The following ZCCHC10 variants were observed in gnomAD, a reference collection of about 807,000 sequenced individuals.
The protein encoded by ZCCHC10 is zinc finger CCHC domain-containing protein 10.
A neutral mutation model predicts 19.5 loss-of-function variants in ZCCHC10; 16 were observed. The ratio of observed to expected loss-of-function variants is 0.82; its 90% CI spans 0.56 to 1.25. The LOEUF is 1.25. Among genes scored for constraint, ZCCHC10 ranks in the 50% most tolerant of loss-of-function variants. The pLI, the probability that ZCCHC10 is intolerant of heterozygous loss-of-function variation, is 0.00. For missense variants in ZCCHC10, 197 were observed against 201.0 expected (o/e 0.98, Z 0.12); for synonymous variants, 67 against 72.5 (o/e 0.92, Z 0.38).
chr5:133,006,338 T>C (rs1331901517), intron 3 of ZCCHC10, among the ~76,000 whole-genome samples: 1 of 152,188 alleles, frequency 6.6e-6, no homozygotes, highest in African/African-American at 2.4e-5. Context: ...TGGATAGCTT[T>C]CCATGTCAGC....
intron 2 of ZCCHC10, among the ~76,000 whole-genome samples, chr5:133,012,471 GA>G (rs11415290): frequency 1.5e-4 from 20 of 129,538 alleles, no homozygotes; most frequent in South Asian, 4.9e-4. Context: ...CCATCTCAAA[GA>G]AAAAAAAAAA....
At chr5:133,020,863 A>G (rs1188435988) in intron 2 of ZCCHC10, among the ~76,000 whole-genome samples, 7 of 146,974 alleles carry the variant, frequency 4.8e-5, no homozygotes, top group Non-Finnish European at 7.5e-5. Flanking sequence ...TGGGACTACA[A>G]GCGCCCGCCA....
intron 2 of ZCCHC10, among the ~76,000 whole-genome samples, chr5:133,007,709 G>A (rs1255732996): frequency 6.6e-6 from 1 of 152,072 alleles, no homozygotes; most frequent in Non-Finnish European, 1.5e-5. Flanking sequence ...CTTTTTTGTT[G>A]TGTAAATTGC....
At chr5:133,008,786 C>T (rs1348860506) in intron 2 of ZCCHC10, among the ~76,000 whole-genome samples, 1 of 151,850 alleles carries the variant, frequency 6.6e-6, no homozygotes, top group Non-Finnish European at 1.5e-5. Context: ...CCAAGGGAGG[C>T]AGATAACTTG....
intron 1 of ZCCHC10, among the ~76,000 whole-genome samples, chr5:133,025,897 T>C (rs1383297648): frequency 1.3e-5 from 2 of 152,212 alleles, no homozygotes. Context: ...ATGTAAGCTC[T>C]CTGAAAGCAA....
At chr5:133,017,988 A>G (rs1035219273) in intron 2 of ZCCHC10, among the ~76,000 whole-genome samples, 4 of 152,204 alleles carry the variant, frequency 2.6e-5, no homozygotes, top group South Asian at 2.1e-4. Flanking sequence ...TACTAAAAAT[A>G]CAAAAAATTA....
intron 3 of ZCCHC10, 59 bp from the exon 4 acceptor site, chr5:133,000,232 A>G: frequency 6.3e-7 from 1 of 1,589,518 alleles, no homozygotes; most frequent in Non-Finnish European, 8.6e-7. Context: ...CACAGCTCAG[A>G]CAAGCCCTTC....
At chr5:133,024,898 G>A (rs1248703400) in intron 1 of ZCCHC10, among the ~76,000 whole-genome samples, 2 of 151,034 alleles carry the variant, frequency 1.3e-5, no homozygotes, top group Non-Finnish European at 1.5e-5. Flanking sequence ...GTGAGACTCC[G>A]TCTAAAAAAA....
chr5:132,998,371 TAAA>T lies in ZCCHC10; in HGVS notation c.*209_*211del. 2 of 475,246 alleles carry T rather than the reference TAAA, an allele frequency of 4.2e-6. No individual in the cohort carries two copies. The highest frequency in any genetic ancestry group is 7.5e-6 in the Non-Finnish European group (2 of 267,254). 29.4% of individuals were successfully genotyped at this position (475,246 alleles called of 1,614,324 possible). A position where few individuals can be genotyped will look rare whatever the true frequency, so the allele number is the denominator to read the frequency against. On this transcript the variant is annotated 3_prime_UTR_variant, in exon 5 of 5. Transcript: ENST00000509437. The stretch of plus-strand genomic sequence containing the variant: ...AAGTTCTAGAGATATATTTTAAAGA[TAAA>T]AAAAACAAGATTCACCCTTCAAATA...
chr5:133,026,123 G>C (rs1764687819), intron 1 of ZCCHC10, among the ~76,000 whole-genome samples: 1 of 152,212 alleles, frequency 6.6e-6, no homozygotes, highest in Non-Finnish European at 1.5e-5. Context: ...ATAGGAAACT[G>C]AAGGTTTACG....
At chr5:133,004,079 T>C (rs1306486106) in intron 3 of ZCCHC10, among the ~76,000 whole-genome samples, 1 of 152,198 alleles carries the variant, frequency 6.6e-6, no homozygotes, top group African/African-American at 2.4e-5. Flanking sequence ...TTCTTCATGG[T>C]AGAATGTGAC....
intron 3 of ZCCHC10, among the ~76,000 whole-genome samples, chr5:133,003,638 G>A (rs1304285291): frequency 1.3e-5 from 2 of 152,104 alleles, no homozygotes; most frequent in Non-Finnish European, 2.9e-5. Context: ...TTACAGGCAT[G>A]AGCCACAGCA....
intron 2 of ZCCHC10, among the ~76,000 whole-genome samples, chr5:133,019,771 A>G (rs1403270200): frequency 6.6e-6 from 1 of 151,952 alleles, no homozygotes; most frequent in African/African-American, 2.4e-5. Context: ...CCTGGCCAAC[A>G]TGGTAAAACC....
chr5:133,001,430 C>T (rs910569789), intron 3 of ZCCHC10, among the ~76,000 whole-genome samples: 26 of 151,884 alleles, frequency 1.7e-4, no homozygotes, highest in African/African-American at 6.3e-4. Context: ...AAGAAAAAAA[C>T]AATTAATTCT....
At chr5:133,003,797 G>T (rs1436027360) in intron 3 of ZCCHC10, among the ~76,000 whole-genome samples, 1 of 152,144 alleles carries the variant, frequency 6.6e-6, no homozygotes, top group Non-Finnish European at 1.5e-5. Flanking sequence ...TGCAACTTCT[G>T]CCTCCTGGGT....
chr5:133,023,559 G>C (rs1764471339), intron 1 of ZCCHC10, among the ~76,000 whole-genome samples: 1 of 150,224 alleles, frequency 6.7e-6, no homozygotes, highest in Non-Finnish European at 1.5e-5. Context: ...CAGATTACCT[G>C]AGGTCAGAAG....
At chr5:133,007,991 T>C (rs1197554159) in intron 2 of ZCCHC10, among the ~76,000 whole-genome samples, 2 of 151,786 alleles carry the variant, frequency 1.3e-5, no homozygotes, top group African/African-American at 2.4e-5. Flanking sequence ...TTTGGGAGGC[T>C]AAGGCAGGCG....
At chr5:133,009,867 T>C (rs1763381573) in intron 2 of ZCCHC10, among the ~76,000 whole-genome samples, 1 of 152,000 alleles carries the variant, frequency 6.6e-6, no homozygotes, top group Non-Finnish European at 1.5e-5. Flanking sequence ...GTCCCTGAAA[T>C]TGGACTGAGA....
chr5:133,024,284 C>A (rs1764524239), intron 1 of ZCCHC10, among the ~76,000 whole-genome samples: 1 of 152,188 alleles, frequency 6.6e-6, no homozygotes. Context: ...CCCTGGTTAT[C>A]ATTGGCTTAT....
Sources: gnomAD v4.1 joint callset for allele counts (sites outside exome capture counted in the v4.1 genomes callset) on GRCh38, gnomAD v4.1.1 for gene constraint, MANE v1.5 for transcripts, NCBI Gene and HGNC (gene_info 2026-07-23, HGNC 2026-07-21) for gene names.